The following HYAL2 variants were observed in gnomAD, a reference collection of about 807,000 sequenced individuals.
The protein encoded by HYAL2 is hyaluronidase 2.
A neutral mutation model predicts 35.4 loss-of-function variants in HYAL2; 30 were observed. The observed-to-expected ratio is 0.85, with a 90% confidence interval of 0.63 to 1.15. The LOEUF (loss-of-function observed/expected upper bound fraction) is 1.15, where lower values mean the gene tolerates loss of function less well. Ranked by LOEUF, HYAL2 falls within the 50% of genes most tolerant of loss-of-function variation. HYAL2 has a pLI of 0.00. For missense variants in HYAL2, 635 were observed against 646.5 expected (o/e 0.98, Z 0.19); for synonymous variants, 262 against 252.8 (o/e 1.04, Z -0.34).
At position 50,318,797 on chromosome 3, in the gene HYAL2, A is replaced by G; in HGVS notation, c.1011+159T>C. 5.6e-6 allele frequency: 4 copies of G among 711,184 alleles called. No individual in the cohort carries two copies. Among genetic ancestry groups the G allele is most frequent in the Non-Finnish European group, 9.7e-6 (4 of 413,156 alleles). The allele number at this position is 711,184 out of a possible 1,614,324, so 44.1% of individuals were successfully genotyped here. ...ACAGCATTTCCTCTTTCCTGAGAGC[A>G]GGGCCGGGGTGACCTCCTCCTGTTG... On this transcript the variant is annotated intron_variant, in intron 3 of 3. Transcript: ENST00000357750. This position sits in a 1 kb window ranked among gnomAD's most constrained non-coding sequence, Gnocchi z 4.5.
At position 50,318,416 on chromosome 3, in the gene HYAL2, G is replaced by A. The variant is rs1472320415; in HGVS notation, c.1135C>T (p.Arg379Cys). 1.9e-6 allele frequency: 3 copies of A among 1,613,262 alleles called. No individual in the cohort carries two copies. Among genetic ancestry groups the A allele is most frequent in the Non-Finnish European group, 2.5e-6 (3 of 1,180,038 alleles). The change falls in exon 4 of 4, where the codon CGC (arginine) becomes TGC (cysteine). Residue 379 changes from arginine (R) to cysteine (C), a missense_variant. Physicochemically the swap from Arg to Cys is radical, Grantham distance 180. Coordinates refer to ENST00000357750, the MANE Select transcript of HYAL2 (RefSeq NM_003773.5). The surrounding 1 kb of genome is among the most constrained non-coding windows in gnomAD (Gnocchi z 4.5). ...AGGAAGGTACTGGCACTGGGGTTGC[G>A]GCGCACACAGCGCCCATGGCCATGG... ...QCHGHGRCVR[R>C]NPSASTFLHL...
In HYAL2 at chr3:50,320,064, C is replaced by A. The variant is rs1702651602; in HGVS notation, c.426G>T (p.Val142=). The A allele has an allele frequency of 6.2e-7, 1 of 1,613,412 alleles. No homozygotes were observed. The highest frequency in any genetic ancestry group is 1.3e-5 in the African/African-American group (1 of 74,946). ...ACACATCTTTGTCCTGCCAGTTGCG[C>A]ACCCACACAGGTCGCCAGTCCTCCC... ...IDWEDWRPVW[V]RNWQDKDVYR... is the part of the protein sequence containing the mutation. Residue 142 remains valine, a synonymous_variant, in exon 2 of 4, where the codon GTG becomes GTT. Coordinates refer to ENST00000357750, the MANE Select transcript of HYAL2 (RefSeq NM_003773.5). This position sits in a 1 kb window ranked among gnomAD's most constrained non-coding sequence, Gnocchi z 4.8.
In HYAL2 at chr3:50,319,957, T is replaced by A; in HGVS notation, c.533A>T (p.Glu178Val). Residue 178 changes from glutamate to valine, a missense_variant, in exon 2 of 4, where the codon GAG becomes GTG. Physicochemically the swap from Glu to Val is moderately radical, Grantham distance 121 (BLOSUM62 -2). Transcript: ENST00000357750. ...GAACTGCTGTGCTGCGAACTCAAAC[T>A]CATATTGTGCCTGTTTGACTATGCG... ...PDRIVKQAQY[E>V]FEFAAQQFML... The A allele has an allele frequency of 6.2e-7, 1 of 1,613,572 alleles. No individual in the cohort carries two copies. Among genetic ancestry groups the A allele is most frequent in the Non-Finnish European group, 8.5e-7 (1 of 1,180,042 alleles).
chr3:50,319,463 G>A (rs1553716119), intron 2 of HYAL2, 106 bp downstream of exon 2: 1 of 939,600 alleles, frequency 1.1e-6, no homozygotes, highest in Middle Eastern at 2.2e-4. Flanking sequence ...GGGATGTGGA[G>A]CAGCCAATAA....
chr3:50,319,543 A>C, intron 2 of HYAL2, 26 bp downstream of exon 2: 1 of 1,580,170 alleles, frequency 6.3e-7, no homozygotes, highest in Non-Finnish European at 8.6e-7. Context: ...GAAGGAGAAA[A>C]AAGGCAGGGC....
chr3:50,320,200 T>C lies in HYAL2; in HGVS notation c.290A>G (p.His97Arg). The change falls in exon 2 of 4, where the codon CAT becomes CGT. Residue 97 changes from histidine (H) to arginine (R), a missense_variant. His to Arg is a conservative substitution (Grantham distance 29, BLOSUM62 0). Transcript: ENST00000357750. The surrounding 1 kb of genome is among the most constrained non-coding windows in gnomAD (Gnocchi z 4.8). ...GCTGACATTCTGTGGCACACCACCA[T>C]GCACAGACCTTCCGGCAGAATCGAA... is the stretch of plus-strand genomic sequence containing the variant. ...PRFDSAGRSVHGGVPQNVSLW... is the reference protein window; with the variant it reads ...PRFDSAGRSVRGGVPQNVSLW... The C allele has an allele frequency of 1.9e-6, 3 of 1,613,976 alleles. No homozygotes were observed. Among genetic ancestry groups the C allele is most frequent in the African/African-American group, 2.7e-5 (2 of 75,066 alleles).
rs781934505 is a variant in HYAL2 at position 50,318,859 on chromosome 3, G to A, written c.1011+97C>T. 4.1e-4 allele frequency: 440 copies of A among 1,063,844 alleles called. 1 individual carries two copies. Among genetic ancestry groups the A allele is most frequent in the Non-Finnish European group, 6.0e-4 (417 of 689,674 alleles). 65.9% of individuals were successfully genotyped at this position (1,063,844 alleles called of 1,614,324 possible). On this transcript the variant is annotated intron_variant, in intron 3 of 3. Transcript: ENST00000357750. The surrounding 1 kb of genome is among the most constrained non-coding windows in gnomAD (Gnocchi z 4.5). ...GCCTCGGGTGGGAGACAGACAAGGG[G>A]ACCAGACTAGGATTGCCCACCTGAG... is the stretch of plus-strand genomic sequence containing the variant.
Position 50,320,164 on chromosome 3 carries a change from T to C in HYAL2, c.326A>G (p.His109Arg), listed in dbSNP as rs1553716385. 1 of 1,613,880 alleles carries C rather than the reference T, an allele frequency of 6.2e-7. No individual in the cohort carries two copies. Among genetic ancestry groups the C allele is most frequent in the East Asian group, 2.2e-5 (1 of 44,888 alleles). Residue 109 changes from histidine to arginine, a missense_variant, in exon 2 of 4, where the codon CAC (histidine) becomes CGC (arginine). Coordinates refer to ENST00000357750, the MANE Select transcript of HYAL2 (RefSeq NM_003773.5). The surrounding 1 kb of genome is among the most constrained non-coding windows in gnomAD (Gnocchi z 4.8). The part of the protein sequence containing the change: ...GVPQNVSLWA[H>R]RKMLQKRVEH... ...CACACGTTTCTGCAGCATCTTCCGGTGTGCCCAAAGGCTGACATTCTGTGG... is the reference window on the plus strand; with the variant it reads ...CACACGTTTCTGCAGCATCTTCCGGCGTGCCCAAAGGCTGACATTCTGTGG...
chr3:50,320,122 G>A lies in HYAL2; in HGVS notation c.368C>T (p.Thr123Ile). 1 of 1,613,814 alleles carries A rather than the reference G, an allele frequency of 6.2e-7. No individual in the cohort carries two copies. The highest frequency in any genetic ancestry group is 8.5e-7 in the Non-Finnish European group (1 of 1,180,040). ...LQKRVEHYIR[T>I]QESAGLAVID... ...GACCGCCAGCCCCGCAGACTCCTGT[G>A]TCCGAATGTAGTGCTCCACACGTTT... Residue 123 changes from threonine to isoleucine, a missense_variant, in exon 2 of 4, where the codon ACA (threonine) becomes ATA (isoleucine). Physicochemically the swap from Thr to Ile is moderately conservative, Grantham distance 89. Coordinates refer to ENST00000357750, the MANE Select transcript of HYAL2 (RefSeq NM_003773.5). This position sits in a 1 kb window ranked among gnomAD's most constrained non-coding sequence, Gnocchi z 4.8.
rs782370234 is a variant in HYAL2 at position 50,319,911 on chromosome 3, A to G, written c.579T>C (p.Tyr193=). Residue 193 remains tyrosine (Y), a synonymous_variant, in exon 2 of 4, where the codon TAT becomes TAC. Transcript: ENST00000357750. ...GGTGCCGGGGCCGCACTGCCTTGAC[A>G]TAACGCAGTGTCTCCAGCATGAACT... ...AQQFMLETLR[Y]VKAVRPRHLW... 51 of 1,613,606 alleles carry G rather than the reference A, an allele frequency of 3.2e-5. No homozygotes were observed. Among genetic ancestry groups the G allele is most frequent in the Non-Finnish European group, 4.2e-5 (50 of 1,180,024 alleles).
At position 50,318,343 on chromosome 3, in the gene HYAL2, C is replaced by T; in HGVS notation, c.1208G>A (p.Gly403Asp). The T allele has an allele frequency of 6.2e-7, 1 of 1,613,486 alleles. No individual in the cohort carries two copies. The highest frequency in any genetic ancestry group is 2.2e-5 in the East Asian group (1 of 44,892). ...SFRLVPGHAP[G>D]EPQLRPVGEL... The stretch of plus-strand genomic sequence containing the variant: ...CCCCACAGGTCGCAGCTGGGGTTCA[C>T]CAGGTGCATGGCCAGGCACTAGGCG... The change falls in exon 4 of 4, where the codon GGT becomes GAT. Residue 403 changes from glycine (G) to aspartate (D), a missense_variant. Coordinates refer to ENST00000357750, the MANE Select transcript of HYAL2 (RefSeq NM_003773.5). This position sits in a 1 kb window ranked among gnomAD's most constrained non-coding sequence, Gnocchi z 4.5.
At position 50,318,775 on chromosome 3, in the gene HYAL2, G is replaced by A; in HGVS notation, c.1011+181C>T. 1 of 677,522 alleles carries A rather than the reference G, an allele frequency of 1.5e-6. No individual in the cohort carries two copies. Among genetic ancestry groups the A allele is most frequent in the Non-Finnish European group, 2.5e-6 (1 of 394,020 alleles). The allele number at this position is 677,522 out of a possible 1,614,324, so 42.0% of individuals were successfully genotyped here. A position where few individuals can be genotyped will look rare whatever the true frequency, so the allele number is the denominator to read the frequency against. The stretch of plus-strand genomic sequence containing the variant: ...CGGAACTCAACAGCTGTTCAGGACA[G>A]CATTTCCTCTTTCCTGAGAGCAGGG... On this transcript the variant is annotated intron_variant, in intron 3 of 3. Coordinates refer to ENST00000357750, the MANE Select transcript of HYAL2 (RefSeq NM_003773.5). The surrounding 1 kb of genome is among the most constrained non-coding windows in gnomAD (Gnocchi z 4.5).
rs139202918 is a variant in HYAL2 at position 50,318,481 on chromosome 3, T to C, written c.1070A>G (p.Asn357Ser). The change falls in exon 4 of 4, where the codon AAT becomes AGT. Residue 357 changes from asparagine to serine, a missense_variant. Asn to Ser is a conservative substitution (Grantham distance 46). Transcript: ENST00000357750. The surrounding 1 kb of genome is among the most constrained non-coding windows in gnomAD (Gnocchi z 4.5). ...LTRLLVPYVVNVSWATQYCSR... is the reference protein window; with the variant it reads ...LTRLLVPYVVSVSWATQYCSR... ...GCAATATTGGGTGGCCCAGGACACA[T>C]TGACCACGTAGGGGACCAGCAGCCG... 8.4e-5 allele frequency: 136 copies of C among 1,612,766 alleles called. No homozygotes were observed. Among genetic ancestry groups the C allele is most frequent in the Non-Finnish European group, 1.0e-4 (118 of 1,179,854 alleles).
intron 2 of HYAL2, 102 bp downstream of exon 2, chr3:50,319,467 C>G: frequency 2.0e-6 from 2 of 983,520 alleles, no homozygotes; most frequent in Non-Finnish European, 3.0e-6. Context: ...TGTGGAGCAG[C>G]CAATAAACTA....
Position 50,318,363 on chromosome 3 carries a change from TA to T in HYAL2, c.1187del (p.Leu396GlnfsTer97), listed in dbSNP as rs782110492. The T allele has an allele frequency of 6.2e-7, 1 of 1,613,450 alleles. No individual in the cohort carries two copies. Among genetic ancestry groups the T allele is most frequent in the Admixed American group, 1.7e-5 (1 of 60,036 alleles). On this transcript the variant is annotated frameshift_variant, in exon 4 of 4. Transcript: ENST00000357750. LOFTEE classifies it high-confidence loss of function. The surrounding 1 kb of genome is among the most constrained non-coding windows in gnomAD (Gnocchi z 4.5). ...GTTCACCAGGTGCATGGCCAGGCAC[TA>T]GGCGGAAACTGTTGGTGCTGAGATG... Reference protein sequence around the residue: ...FLHLSTNSFRLVPGHAPGEPQ... With the variant: ...FLHLSTNSFRXVPGHAPGEPQ...
chr3:50,318,610 G>T lies in HYAL2; in HGVS notation c.1012-71C>A. On this transcript the variant is annotated intron_variant, in intron 3 of 3. Transcript: ENST00000357750. The surrounding 1 kb of genome is among the most constrained non-coding windows in gnomAD (Gnocchi z 4.5). ...GCCCACAGGCCCAGATGGAAACTGT[G>T]TCCACACTGTGATGACTATACCTTA... 7.3e-7 allele frequency: 1 copy of T among 1,369,730 alleles called. No individual in the cohort carries two copies. The highest frequency in any genetic ancestry group is 1.0e-6 in the Non-Finnish European group (1 of 990,992). 84.8% of individuals were successfully genotyped at this position (1,369,730 alleles called of 1,614,324 possible). A position where few individuals can be genotyped will look rare whatever the true frequency, so the allele number is the denominator to read the frequency against.
At position 50,320,344 on chromosome 3, in the gene HYAL2, G is replaced by A. The variant is rs781979383; in HGVS notation, c.146C>T (p.Pro49Leu). ...AWDVPTQDCG[P>L]RLKVPLDLNA... ...CAGGTCCAGTGGCACCTTGAGGCGT[G>A]GGCCACAGTCCTGTGTGGGCACGTC... The change falls in exon 2 of 4, where the codon CCA becomes CTA. Residue 49 changes from proline to leucine, a missense_variant. By Grantham distance (98) the Pro-to-Leu change is moderately conservative (BLOSUM62 -3). Transcript: ENST00000357750. The surrounding 1 kb of genome is among the most constrained non-coding windows in gnomAD (Gnocchi z 4.8). 1 of 1,613,808 alleles carries A rather than the reference G, an allele frequency of 6.2e-7. No individual in the cohort carries two copies.
At position 50,318,055 on chromosome 3, in the gene HYAL2, C is replaced by G. The variant is rs782167270; in HGVS notation, c.*74G>C. On this transcript the variant is annotated 3_prime_UTR_variant, in exon 4 of 4. Coordinates refer to ENST00000357750, the MANE Select transcript of HYAL2 (RefSeq NM_003773.5). This position sits in a 1 kb window ranked among gnomAD's most constrained non-coding sequence, Gnocchi z 4.5. ...ACTCCAGACTCCAGTTTGTCCACCC[C>G]CTGCAGGGTCCTACATGCCTAAGAG... The G allele has an allele frequency of 3.4e-6, 5 of 1,475,808 alleles. No homozygotes were observed. The Admixed American group carries it at 9.1e-5, about 27-fold the overall frequency. The allele number at this position is 1,475,808 out of a possible 1,614,324, so 91.4% of individuals were successfully genotyped here. A position where few individuals can be genotyped will look rare whatever the true frequency, so the allele number is the denominator to read the frequency against.
In HYAL2 at chr3:50,318,138, C is replaced by G. The variant is rs782152752; in HGVS notation, c.1413G>C (p.Trp471Cys). ...LLALAALAFTWTL is the reference protein window; with the variant it reads ...LLALAALAFTCTL ...GCTAGGCAGGAGACCCCTACAAGGT[C>G]CAGGTAAAGGCCAGGGCTGCCAGAG... Residue 471 changes from tryptophan to cysteine, a missense_variant, in exon 4 of 4, where the codon TGG becomes TGC. By Grantham distance (215) the Trp-to-Cys change is radical. Coordinates refer to ENST00000357750, the MANE Select transcript of HYAL2 (RefSeq NM_003773.5). This position sits in a 1 kb window ranked among gnomAD's most constrained non-coding sequence, Gnocchi z 4.5. 2.6e-6 allele frequency: 4 copies of G among 1,565,902 alleles called. No individual in the cohort carries two copies. Among genetic ancestry groups the G allele is most frequent in the Non-Finnish European group, 3.5e-6 (4 of 1,154,308 alleles).
Sources: gnomAD v4.1 joint callset for allele counts on GRCh38, gnomAD v4.1.1 for gene constraint, Gnocchi (gnomAD v3.1) non-coding constraint, MANE v1.5 for transcripts, NCBI Gene and HGNC (gene_info 2026-07-23, HGNC 2026-07-21) for gene names.